The following SLC24A3 variants were observed in gnomAD, a reference collection of about 807,000 sequenced individuals.
SLC24A3 encodes sodium/potassium/calcium exchanger 3.
A neutral mutation model predicts 75.8 loss-of-function variants in SLC24A3; 28 were observed. The observed-to-expected ratio is 0.37, with a 90% CI of 0.27 to 0.51. SLC24A3 has a LOEUF of 0.51. SLC24A3 is among the 20% of genes least tolerant of loss of function. SLC24A3 has a pLI of 0.94. For synonymous variants in SLC24A3, 372 were observed against 334.1 expected, an observed-to-expected ratio of 1.11 and a Z score of -1.24; for missense variants, 663 against 847.8, an observed-to-expected ratio of 0.78 and a Z score of 2.71.
intron 2 of SLC24A3, among the ~76,000 whole-genome samples, chr20:19,445,177 A>G (rs1987359852): frequency 6.6e-6 from 1 of 152,288 alleles, no homozygotes; most frequent in Middle Eastern, 3.4e-3. Context: ...GGCTTCCACC[A>G]TCATTAGTCT....
At chr20:19,385,594 G>C (rs1986258958) in intron 2 of SLC24A3, among the ~76,000 whole-genome samples, 1 of 150,844 alleles carries the variant, frequency 6.6e-6, no homozygotes, top group South Asian at 2.1e-4. Flanking sequence ...GCTCAAGATT[G>C]CTTTGGCTAT....
intron 12 of SLC24A3, among the ~76,000 whole-genome samples, chr20:19,688,530 G>T (rs1170988000): frequency 6.6e-6 from 1 of 152,252 alleles, no homozygotes; most frequent in Non-Finnish European, 1.5e-5. Flanking sequence ...AAGCCTGTCG[G>T]GTGCTTCCGG....
At chr20:19,450,556 A>C (rs746172333) in intron 2 of SLC24A3, among the ~76,000 whole-genome samples, 30 of 152,160 alleles carry the variant, frequency 2.0e-4, no homozygotes, top group Non-Finnish European at 3.7e-4. Flanking sequence ...CCCTCACAAT[A>C]TGCTAATTTC....
At chr20:19,631,578 G>A (rs2031934161) in intron 6 of SLC24A3, among the ~76,000 whole-genome samples, 1 of 151,970 alleles carries the variant, frequency 6.6e-6, no homozygotes, top group Non-Finnish European at 1.5e-5. Flanking sequence ...TACACTCATG[G>A]TCACGTGGCT....
intron 2 of SLC24A3, among the ~76,000 whole-genome samples, chr20:19,487,512 T>C (rs1227597552): frequency 6.6e-6 from 1 of 152,226 alleles, no homozygotes; most frequent in African/African-American, 2.4e-5. Context: ...TTTTGCCTGA[T>C]TTGGTAGGAA....
chr20:19,455,399 C>T (rs1353477914), intron 2 of SLC24A3, among the ~76,000 whole-genome samples: 2 of 152,132 alleles, frequency 1.3e-5, no homozygotes, highest in African/African-American at 2.4e-5. Flanking sequence ...TATCAGTGCC[C>T]TTCCCATGTT....
chr20:19,378,446 T>C (rs1253828691), intron 2 of SLC24A3, among the ~76,000 whole-genome samples: 1 of 152,190 alleles, frequency 6.6e-6, no homozygotes, highest in African/African-American at 2.4e-5. Flanking sequence ...GCTAACTGAT[T>C]TTGATAAAAG....
At chr20:19,289,429 C>T (rs1983887740) in intron 2 of SLC24A3, among the ~76,000 whole-genome samples, 1 of 152,164 alleles carries the variant, frequency 6.6e-6, no homozygotes, top group South Asian at 2.1e-4. Context: ...TAGGGTTGTC[C>T]ACCTGTACTC....
At chr20:19,649,615 C>G (rs537668614) in intron 6 of SLC24A3, among the ~76,000 whole-genome samples, 1 of 151,896 alleles carries the variant, frequency 6.6e-6, no homozygotes, top group South Asian at 2.1e-4. Flanking sequence ...TTGTTTTTGT[C>G]TCTCAGCCTT....
intron 2 of SLC24A3, among the ~76,000 whole-genome samples, chr20:19,290,129 TCTGAAAGGCAGG>T (rs960098776): frequency 6.6e-6 from 1 of 152,114 alleles, no homozygotes; most frequent in African/African-American, 2.4e-5. Context: ...GATTGGAACC[TCTGAAAGGCAGG>T]CCCAGCCATC....
intron 12 of SLC24A3, among the ~76,000 whole-genome samples, chr20:19,692,458 A>G (rs141958386): frequency 1.0e-3 from 153 of 152,342 alleles, no homozygotes; most frequent in African/African-American, 3.6e-3. Context: ...AAAGGAATGG[A>G]TCACGCAACA....
intron 2 of SLC24A3, among the ~76,000 whole-genome samples, chr20:19,319,844 C>T (rs1984667675): frequency 6.6e-6 from 1 of 152,192 alleles, no homozygotes; most frequent in Admixed American, 6.5e-5. Context: ...ATGTGTACCC[C>T]AGCTGGCCTG....
intron 3 of SLC24A3, among the ~76,000 whole-genome samples, chr20:19,537,212 C>A (rs991669717): frequency 3.3e-5 from 5 of 150,518 alleles, no homozygotes; most frequent in African/African-American, 1.2e-4. Flanking sequence ...AAAAAGTGGG[C>A]GAAGGATATG....
chr20:19,280,005 TG>T (rs1430906214), intron 1 of SLC24A3, among the ~76,000 whole-genome samples: 2 of 152,280 alleles, frequency 1.3e-5, no homozygotes, highest in African/African-American at 2.4e-5. Flanking sequence ...CAAGGAGAAA[TG>T]CTTTGTGGTA....
At chr20:19,365,366 G>A (rs1220907618) in intron 2 of SLC24A3, among the ~76,000 whole-genome samples, 1 of 152,150 alleles carries the variant, frequency 6.6e-6, no homozygotes, top group African/African-American at 2.4e-5. Flanking sequence ...AAGCCCTCCA[G>A]GTGAGCCTGG....
chr20:19,386,877 T>C (rs1057182499), intron 2 of SLC24A3, among the ~76,000 whole-genome samples: 2 of 152,170 alleles, frequency 1.3e-5, no homozygotes, highest in African/African-American at 2.4e-5. Context: ...TAGTATTCTT[T>C]CTTGTGATGT....
At chr20:19,624,193 A>G (rs1373952965) in intron 6 of SLC24A3, among the ~76,000 whole-genome samples, 2 of 152,048 alleles carry the variant, frequency 1.3e-5, no homozygotes, top group Non-Finnish European at 2.9e-5. Flanking sequence ...CTTCTCTCTG[A>G]TGTTTTGATT....
At position 19,711,596 on chromosome 20, in the gene SLC24A3, GCACA is replaced by G. The variant is rs150710872; in HGVS notation, c.1720-5929_1720-5926del. Among the ~76,000 whole-genome samples, 3 of 151,512 alleles carry G rather than the reference GCACA, an allele frequency of 2.0e-5. No homozygotes were observed. The East Asian group carries it at 5.8e-4, about 29-fold the overall frequency. ...CGTGCATGCTCACATGCAAACACAT[GCACA>G]CAAACACACACACCCATGCTCAGAA... On this transcript the variant is annotated intron_variant, in intron 15 of 16. Transcript: ENST00000328041.
At chr20:19,283,993 G>A (rs1266476180) in intron 2 of SLC24A3, among the ~76,000 whole-genome samples, 2 of 152,200 alleles carry the variant, frequency 1.3e-5, no homozygotes, top group Non-Finnish European at 2.9e-5. Flanking sequence ...CTAGACAGGA[G>A]GCTTCAGTAC....
Sources: allele counts gnomAD v4.1 joint callset (sites outside exome capture counted in the v4.1 genomes callset), GRCh38; gene constraint gnomAD v4.1.1; transcripts MANE v1.5; gene names NCBI Gene and HGNC (gene_info 2026-07-23, HGNC 2026-07-21).